The following PIGG variants were observed in gnomAD, a reference collection of about 807,000 sequenced individuals.
PIGG encodes the protein GPI ethanolamine phosphate transferase 2, catalytic subunit.
In PIGG, 70 loss-of-function variants were observed where a neutral mutation model predicts 83.2. The observed-to-expected ratio is 0.84, with a 90% CI of 0.69 to 1.03. The LOEUF (loss-of-function observed/expected upper bound fraction) is 1.03, where lower values mean the gene tolerates loss of function less well. Ranked by LOEUF, PIGG falls within the 50% of genes least tolerant of loss-of-function variation. PIGG has a pLI of 0.00. For synonymous variants in PIGG, 532 were observed against 519.5 expected (o/e 1.02, Z -0.33); for missense variants, 1,257 against 1,233.6 (o/e 1.02, Z -0.28).
rs755682442 is a variant in PIGG at position 533,979 on chromosome 4, C to T, written c.2733C>T (p.Arg911=). 1.2e-6 allele frequency: 2 copies of T among 1,613,882 alleles called. No homozygotes were observed. The highest frequency in any genetic ancestry group is 1.1e-5 in the South Asian group (1 of 91,084). The change falls in exon 12 of 13, where the codon CGC becomes CGT. Residue 911 remains arginine, a splice_region_variant and synonymous_variant. Transcript: ENST00000453061. ...TGCACTTCCTGAGCTCAGAAACACG[C>T]AGGTGAGGCGCCTCTCTGCCGTCAG... The part of the protein sequence containing the change: ...HLVHFLSSET[R]SGSALSHACF...
rs772529201 is a variant in PIGG, at chr4:516,167, G to A, written c.1096G>A (p.Val366Met). 6.2e-7 allele frequency: 1 copy of A among 1,613,106 alleles called. No individual in the cohort carries two copies. The highest frequency in any genetic ancestry group is 2.2e-5 in the East Asian group (1 of 44,884). Residue 366 changes from valine to methionine, a missense_variant, in exon 6 of 13, where the codon GTG (valine) becomes ATG (methionine). Coordinates refer to ENST00000453061, the MANE Select transcript of PIGG (RefSeq NM_001127178.3). ...VQLSKLLQEN[V>M]PSYEKDPGFE... ...GCTTAGTAAACTGTTGCAAGAGAAT[G>A]TGCCGTCATATGAAAAAGGTCAGTC...
chr4:529,694 CT>C (rs1210696677), intron 10 of PIGG, among the ~76,000 whole-genome samples: 1 of 152,176 alleles, frequency 6.6e-6, no homozygotes, highest in African/African-American at 2.4e-5. Context: ...CTTAATTTTA[CT>C]GAGCTTACTG....
chr4:530,138 C>T (rs538851793), intron 10 of PIGG, among the ~76,000 whole-genome samples: 3 of 152,200 alleles, frequency 2.0e-5, no homozygotes, highest in South Asian at 2.1e-4. Flanking sequence ...CCGCTTGGGT[C>T]GTGCCACCAG....
intron 9 of PIGG, chr4:525,385 A>G: frequency 1.0e-6 from 1 of 984,802 alleles, no homozygotes; most frequent in Non-Finnish European, 1.2e-6. Context: ...GCACAATGAG[A>G]GCATCTGCGG....
rs1369535019 is a variant in PIGG at position 528,702 on chromosome 4, TA to T, written c.2261+1475del. On this transcript the variant is annotated intron_variant, in intron 10 of 12. Transcript: ENST00000453061. The surrounding 1 kb of genome is among the most constrained non-coding windows in gnomAD (Gnocchi z 4.8). ...GTGTGTTTAAGGTGCAGCGTATGAA[TA>T]AATTCATTTCCTCACAGATCTATAC... 5.1e-6 allele frequency: 5 copies of T among 985,254 alleles called. No homozygotes were observed. In the African/African-American group the frequency reaches 8.7e-5, roughly 17 times the overall value. 61.0% of individuals were successfully genotyped at this position (985,254 alleles called of 1,614,324 possible). A position where few individuals can be genotyped will look rare whatever the true frequency, so the allele number is the denominator to read the frequency against.
chr4:527,023 T>G lies in PIGG; in HGVS notation c.2070-16T>G. On this transcript the variant is annotated splice_polypyrimidine_tract_variant and intron_variant, in intron 9 of 12. Coordinates refer to ENST00000453061, the MANE Select transcript of PIGG (RefSeq NM_001127178.3). ...TGTTTGTTTACGTAATGCTGGCATT[T>G]TCCATCTCATTTCAGCTCTGACCAC... 6.2e-7 allele frequency: 1 copy of G among 1,614,120 alleles called. No individual in the cohort carries two copies. The highest frequency in any genetic ancestry group is 8.5e-7 in the Non-Finnish European group (1 of 1,179,992).
chr4:516,262 G>A (rs1164163661), intron 6 of PIGG, 77 bp downstream of exon 6: 1 of 910,770 alleles, frequency 1.1e-6, no homozygotes, highest in South Asian at 1.3e-5. Context: ...ATGTGTTTCT[G>A]TGGTATGCAG....
chr4:499,405 C>T lies in PIGG; in HGVS notation c.70C>T (p.Leu24Phe), dbSNP rs782798787. ...AIEVLGIAVF[L>F]RGFFPAPVRS... ...CGAGGTGCTAGGGATCGCGGTCTTCCTTCGGGGATTCTTCCCGGCTCCCGT... is the reference window on the plus strand; with the variant it reads ...CGAGGTGCTAGGGATCGCGGTCTTCTTTCGGGGATTCTTCCCGGCTCCCGT... The change falls in exon 1 of 13, where the codon CTT becomes TTT. Residue 24 changes from leucine (L) to phenylalanine (F), a missense_variant. Transcript: ENST00000453061. 4.3e-6 allele frequency: 7 copies of T among 1,609,460 alleles called. No homozygotes were observed. The highest frequency in any genetic ancestry group is 1.3e-5 in the African/African-American group (1 of 74,942).
Position 528,581 on chromosome 4 carries a change from C to T in PIGG, c.2261+1351C>T, listed in dbSNP as rs1171490083. 3.0e-6 allele frequency: 3 copies of T among 985,240 alleles called. No individual in the cohort carries two copies. Among genetic ancestry groups the T allele is most frequent in the African/African-American group, 3.5e-5 (2 of 57,220 alleles). 61.0% of individuals were successfully genotyped at this position (985,240 alleles called of 1,614,324 possible). A position where few individuals can be genotyped will look rare whatever the true frequency, so the allele number is the denominator to read the frequency against. On this transcript the variant is annotated intron_variant, in intron 10 of 12. Transcript: ENST00000453061. The surrounding 1 kb of genome is among the most constrained non-coding windows in gnomAD (Gnocchi z 4.8). ...CTGGGGCAGAGAGGATGCTGACGTG[C>T]AGGTACCAGCGGTGTTCTGTGGAGA...
At chr4:529,552 C>G (rs1256455501) in intron 10 of PIGG, among the ~76,000 whole-genome samples, 1 of 152,138 alleles carries the variant, frequency 6.6e-6, no homozygotes, top group African/African-American at 2.4e-5. Flanking sequence ...TTTAAATGAT[C>G]AGATTTGTAG....
Position 521,036 on chromosome 4 carries a change from C to G in PIGG, c.1115-20C>G. ...TCACGGTGTGTGTGCGCGCCTGTAA[C>G]CTTTCTGTCTTCTTAATAGATCCTG... On this transcript the variant is annotated intron_variant, in intron 6 of 12. Coordinates refer to ENST00000453061, the MANE Select transcript of PIGG (RefSeq NM_001127178.3). 6.3e-7 allele frequency: 1 copy of G among 1,575,382 alleles called. No homozygotes were observed. The highest frequency in any genetic ancestry group is 8.7e-7 in the Non-Finnish European group (1 of 1,144,618).
intron 6 of PIGG, among the ~76,000 whole-genome samples, chr4:519,039 T>C (rs13131404): frequency 0.18 from 26,928 of 152,060 alleles, 3,067 homozygotes; most frequent in African/African-American, 0.33. Flanking sequence ...AATTCCTGGG[T>C]ACCGTTTACA....
intron 2 of PIGG, among the ~76,000 whole-genome samples, chr4:502,782 G>A (rs1553876588): frequency 6.6e-6 from 1 of 151,964 alleles, no homozygotes; most frequent in African/African-American, 2.4e-5. Flanking sequence ...TGAGGGAGGT[G>A]CCTTGTAAAA....
Position 515,733 on chromosome 4 carries a change from T to G in PIGG, c.902-240T>G, listed in dbSNP as rs1391954642. ...CCCTTACTGTATGGAATTCCTCACA[T>G]GAGCCTCTCTCGCAGCCTGTTGCAG... On this transcript the variant is annotated intron_variant, in intron 5 of 12. Coordinates refer to ENST00000453061, the MANE Select transcript of PIGG (RefSeq NM_001127178.3). This position sits in a 1 kb window ranked among gnomAD's most constrained non-coding sequence, Gnocchi z 4.2. 2.0e-5 allele frequency among the ~76,000 whole-genome samples: 3 copies of G among 152,218 alleles called. No individual in the cohort carries two copies. Among genetic ancestry groups the G allele is most frequent in the Non-Finnish European group, 4.4e-5 (3 of 68,038 alleles).
chr4:532,017 G>C (rs905481608), intron 11 of PIGG: 3 of 152,456 alleles, frequency 2.0e-5, no homozygotes, highest in African/African-American at 4.8e-5. Context: ...CTGTTTTGAG[G>C]CTGAGTCCGC....
rs779358836 is a variant in PIGG, at chr4:530,472, C to T, written c.2298C>T (p.Val766=). ...IIEARFVYVF[V]LGILFTGTKD... ...AAGCTCGTTTTGTTTATGTCTTTGT[C>T]CTTGGCATTCTGTTCACGGGCACCA... The change falls in exon 11 of 13, where the codon GTC becomes GTT. Residue 766 remains valine (V), a synonymous_variant. Transcript: ENST00000453061. The T allele has an allele frequency of 6.2e-7, 1 of 1,613,756 alleles. No individual in the cohort carries two copies. The highest frequency in any genetic ancestry group is 8.5e-7 in the Non-Finnish European group (1 of 1,179,716).
chr4:512,373 C>T (rs1413143721), intron 5 of PIGG, among the ~76,000 whole-genome samples: 1 of 151,684 alleles, frequency 6.6e-6, no homozygotes, highest in Non-Finnish European at 1.5e-5. Context: ...GCACCCACCA[C>T]CACCGGTTAA....
At chr4:526,421 G>A (rs544970179) in intron 9 of PIGG, among the ~76,000 whole-genome samples, 6 of 152,314 alleles carry the variant, frequency 3.9e-5, no homozygotes, top group African/African-American at 1.4e-4. Context: ...CATCGCGGTC[G>A]GGACTCCGGG....
At chr4:510,147 A>C (rs1292236950) in intron 5 of PIGG, among the ~76,000 whole-genome samples, 1 of 152,206 alleles carries the variant, frequency 6.6e-6, no homozygotes, top group Non-Finnish European at 1.5e-5. Flanking sequence ...CAGGGGTCTC[A>C]CAGCCTTCAG....
Sources: allele counts gnomAD v4.1 joint callset (sites outside exome capture counted in the v4.1 genomes callset), GRCh38; gene constraint gnomAD v4.1.1; non-coding constraint Gnocchi (gnomAD v3.1); transcripts MANE v1.5; gene names NCBI Gene and HGNC (gene_info 2026-07-23, HGNC 2026-07-21).